The following TMEM14B variants were observed in gnomAD, a reference collection of about 807,000 sequenced individuals.
TMEM14B encodes the protein transmembrane protein 14B.
Under a neutral mutation model 14.8 loss-of-function variants are expected in TMEM14B, and 9 were observed. The observed-to-expected ratio is 0.61, with a 90% CI of 0.37 to 1.06. TMEM14B has a LOEUF of 1.06. Ranked by LOEUF, TMEM14B falls within the 50% of genes least tolerant of loss-of-function variation. TMEM14B has a pLI of 0.01. For synonymous variants in TMEM14B, 40 were observed against 51.3 expected (o/e 0.78, Z 0.94); for missense variants, 128 against 143.6 (o/e 0.89, Z 0.56).
intron 5 of TMEM14B, among the ~76,000 whole-genome samples, chr6:10,756,016 T>C (rs1032231860): frequency 2.0e-5 from 3 of 152,128 alleles, no homozygotes; most frequent in Admixed American, 6.5e-5. Flanking sequence ...CAGGGGAATT[T>C]TTAAAATCCT....
chr6:10,757,846 C>G (rs553653120), downstream of TMEM14B, among the ~76,000 whole-genome samples: 1 of 152,174 alleles, frequency 6.6e-6, no homozygotes, highest in East Asian at 1.9e-4. Context: ...CAAAAATTAG[C>G]TGGGTGTGGT....
chr6:10,747,931 A>T (rs540815497), intron 1 of TMEM14B, 50 bp downstream of exon 1: 50 of 152,154 alleles, frequency 3.3e-4, no homozygotes, highest in African/African-American at 1.2e-3. Flanking sequence ...GCCACTTTTA[A>T]CTTTTAGGGA....
In TMEM14B at chr6:10,756,676, T is replaced by C. The variant is rs1270572087; in HGVS notation, c.*158T>C. 2.3e-5 allele frequency: 32 copies of C among 1,398,808 alleles called. No individual in the cohort carries two copies. Among genetic ancestry groups the C allele is most frequent in the South Asian group, 3.1e-5 (2 of 65,080 alleles). 86.6% of individuals were successfully genotyped at this position (1,398,808 alleles called of 1,614,324 possible). ...TTTGGCGGAGGGGTGGAAAATCAGT[T>C]GTTACCATTATAACCCTACAGAGGT... On this transcript the variant is annotated 3_prime_UTR_variant, in exon 6 of 6. Transcript: ENST00000379542.
chr6:10,754,983 C>T (rs114523997), intron 4 of TMEM14B, among the ~76,000 whole-genome samples, 159 bp from the exon 5 acceptor site: 2,463 of 152,262 alleles, frequency 0.016, 25 homozygotes, highest in Middle Eastern at 0.048. Context: ...GTATTTGGAC[C>T]CATAGGATGT....
At chr6:10,749,854 C>A in intron 3 of TMEM14B, 156 bp downstream of exon 3, 2 of 843,294 alleles carry the variant, frequency 2.4e-6, no homozygotes, top group Non-Finnish European at 2.0e-6. Flanking sequence ...GCAGCTCCTG[C>A]CCTTGCCTTT....
chr6:10,756,806 T>A lies in TMEM14B; in HGVS notation c.*288T>A. On this transcript the variant is annotated 3_prime_UTR_variant, in exon 6 of 6. Transcript: ENST00000379542. Reference sequence around the variant, plus strand: ...ATAGGTAAATCTCAAGGGTAAAATGTTAGGTGTTGACATTGAGAACCCTGA... The same window carrying A: ...ATAGGTAAATCTCAAGGGTAAAATGATAGGTGTTGACATTGAGAACCCTGA... 9.6e-7 allele frequency: 1 copy of A among 1,040,170 alleles called. No homozygotes were observed. The highest frequency in any genetic ancestry group is 1.2e-6 in the Non-Finnish European group (1 of 865,868). 64.4% of individuals were successfully genotyped at this position (1,040,170 alleles called of 1,614,324 possible).
downstream of TMEM14B, chr6:10,758,818 A>G (rs1355932919): frequency 6.5e-6 from 1 of 153,072 alleles, no homozygotes; most frequent in African/African-American, 2.4e-5. Context: ...GGACGGGGCA[A>G]ATGTCTCAGA....
chr6:10,757,105 C>G (rs190706882), downstream of TMEM14B: 15 of 608,188 alleles, frequency 2.5e-5, no homozygotes, highest in Admixed American at 5.1e-4. Context: ...ATTTAAGGAC[C>G]AAGGAAAGTT....
At chr6:10,756,420 T>G (rs1242644428) in intron 5 of TMEM14B, 47 bp from the exon 6 acceptor site, 1 of 1,605,212 alleles carries the variant, frequency 6.2e-7, no homozygotes, top group Non-Finnish European at 8.5e-7. Flanking sequence ...CATAGTTGCC[T>G]GTTCTATCCT....
chr6:10,756,217 C>T (rs1771797345), intron 5 of TMEM14B, among the ~76,000 whole-genome samples: 1 of 152,168 alleles, frequency 6.6e-6, no homozygotes, highest in Non-Finnish European at 1.5e-5. Context: ...ATTTCTTCAT[C>T]TCTTCAAATT....
intron 4 of TMEM14B, among the ~76,000 whole-genome samples, chr6:10,754,273 C>G (rs781050392): frequency 3.3e-5 from 5 of 152,164 alleles, no homozygotes; most frequent in Non-Finnish European, 7.4e-5. Flanking sequence ...GCTTAGTATC[C>G]TTTAATAGCT....
chr6:10,758,122 T>A (rs1345015349), downstream of TMEM14B, among the ~76,000 whole-genome samples: 1 of 152,196 alleles, frequency 6.6e-6, no homozygotes, highest in South Asian at 2.1e-4. Context: ...TCCTTTTTTA[T>A]AGGACTCTGG....
At chr6:10,751,288 T>G (rs1019288812) in intron 4 of TMEM14B, 54 bp downstream of exon 4, 2 of 1,596,490 alleles carry the variant, frequency 1.3e-6, no homozygotes, top group Middle Eastern at 1.7e-4. Flanking sequence ...AATATTCTTT[T>G]CCAAAAGACC....
chr6:10,754,417 TC>T (rs1470160503), intron 4 of TMEM14B, among the ~76,000 whole-genome samples: 2 of 152,152 alleles, frequency 1.3e-5, no homozygotes, highest in Non-Finnish European at 2.9e-5. Context: ...TGTGCCATGC[TC>T]CCTGTCACCA....
chr6:10,755,805 T>C, intron 5 of TMEM14B: 1 of 384,602 alleles, frequency 2.6e-6, no homozygotes, highest in Non-Finnish European at 3.6e-6. Context: ...AATACAAAAA[T>C]TAGGTGGGTG....
chr6:10,750,798 G>A (rs533752434), intron 3 of TMEM14B, among the ~76,000 whole-genome samples: 1 of 152,066 alleles, frequency 6.6e-6, no homozygotes, highest in African/African-American at 2.4e-5. Context: ...TAAAGGAAAG[G>A]GAGAGTCTAA....
chr6:10,758,087 C>G (rs911066450), downstream of TMEM14B, among the ~76,000 whole-genome samples: 1 of 152,040 alleles, frequency 6.6e-6, no homozygotes, highest in Non-Finnish European at 1.5e-5. Context: ...TGCATAAGCC[C>G]CTGGATGGTG....
intron 1 of TMEM14B, among the ~76,000 whole-genome samples, chr6:10,748,503 T>C (rs1771417973): frequency 6.6e-6 from 1 of 152,240 alleles, no homozygotes; most frequent in Admixed American, 6.5e-5. Flanking sequence ...TCCGCCTGCC[T>C]GGGCCTCCCA....
At chr6:10,749,520 C>T (rs1341976062) in intron 2 of TMEM14B, 102 bp from the exon 3 acceptor site, 42 of 1,372,952 alleles carry the variant, frequency 3.1e-5, no homozygotes, top group Non-Finnish European at 4.0e-5. Context: ...CACATAGGAC[C>T]TGTGGGGAAT....
Sources: gnomAD v4.1 joint callset for allele counts (sites outside exome capture counted in the v4.1 genomes callset) on GRCh38, gnomAD v4.1.1 for gene constraint, MANE v1.5 for transcripts, NCBI Gene and HGNC (gene_info 2026-07-23, HGNC 2026-07-21) for gene names.